ZNF93: variants seen among roughly 807,000 people sequenced by gnomAD.
ZNF93 encodes the protein zinc finger protein 505.
Under a neutral mutation model 45.0 loss-of-function variants are expected in ZNF93, and 29 were observed. The ratio of observed to expected loss-of-function variants is 0.64; its 90% confidence interval spans 0.48 to 0.88. The LOEUF (loss-of-function observed/expected upper bound fraction) is 0.88, where lower values mean the gene tolerates loss of function less well. Among genes scored for constraint, ZNF93 ranks in the 40% least tolerant of loss-of-function variants. The probability of loss-of-function intolerance (pLI) is 0.00; values close to 1 mark genes in which losing one functional copy is unlikely to be tolerated. For missense variants in ZNF93, 578 were observed against 724.0 expected (o/e 0.80, Z 2.31); for synonymous variants, 223 against 244.6 (o/e 0.91, Z 0.82).
At chr19:19,911,519 C>G (rs1057158506) in intron 1 of ZNF93, among the ~76,000 whole-genome samples, 9 of 152,070 alleles carry the variant, frequency 5.9e-5, no homozygotes, top group African/African-American at 1.4e-4. Flanking sequence ...TAAACTAGCT[C>G]CTTCCACTTC....
Position 19,933,521 on chromosome 19 carries a change from T to C in ZNF93, c.566T>C (p.Ile189Thr). 1 of 1,606,876 alleles carries C rather than the reference T, an allele frequency of 6.2e-7. No individual in the cohort carries two copies. Among genetic ancestry groups the C allele is most frequent in the Non-Finnish European group, 8.5e-7 (1 of 1,177,614 alleles). The change falls in exon 4 of 4, where the codon ATA becomes ACA. Residue 189 changes from isoleucine (I) to threonine (T), a missense_variant. Coordinates refer to ENST00000343769, the MANE Select transcript of ZNF93 (RefSeq NM_031218.4). ...GCTTTTAACCAGTTCTCAACCCTTA[T>C]AACACATAAGAAAATTCATACTGGA... ...GKAFNQFSTLITHKKIHTGEK... is the reference protein window; with the variant it reads ...GKAFNQFSTLTTHKKIHTGEK...
intron 3 of ZNF93, among the ~76,000 whole-genome samples, chr19:19,919,228 G>A (rs2063334916): frequency 6.6e-6 from 1 of 152,120 alleles, no homozygotes; most frequent in Admixed American, 6.5e-5. Context: ...CCCATTTCTT[G>A]TTTTTGTCAG....
At chr19:19,906,675 T>C (rs904088698) in intron 1 of ZNF93, among the ~76,000 whole-genome samples, 15 of 152,100 alleles carry the variant, frequency 9.9e-5, no homozygotes, top group African/African-American at 3.6e-4. Flanking sequence ...TTCATTTAAG[T>C]GTTTAATTTG....
chr19:19,934,560 A>C lies in ZNF93; in HGVS notation c.1605A>C (p.Lys535Asn), dbSNP rs776834262. The C allele has an allele frequency of 9.9e-6, 16 of 1,613,514 alleles. No individual in the cohort carries two copies. Among genetic ancestry groups the C allele is most frequent in the Non-Finnish European group, 1.1e-5 (13 of 1,179,978 alleles). Reference sequence around the variant, plus strand: ...ATAAGAAAATTCATACTAGAGAGAAACCCTACAAATGTGAAGAATGTGGCA... The same window carrying C: ...ATAAGAAAATTCATACTAGAGAGAACCCCTACAAATGTGAAGAATGTGGCA... ...IKHKKIHTREKPYKCEECGKA... is the reference protein window; with the variant it reads ...IKHKKIHTRENPYKCEECGKA... The change falls in exon 4 of 4, where the codon AAA becomes AAC. Residue 535 changes from lysine (K) to asparagine (N), a missense_variant. By Grantham distance (94) the Lys-to-Asn change is moderately conservative. Around this residue, in one of 3 missense-constraint regions of ZNF93, gnomAD observed 119 missense variants for 123.1 expected, o/e 0.97. Transcript: ENST00000343769.
rs2063383095 is a variant in ZNF93, at chr19:19,933,858, T to TTTA, written c.903_904insTTA (p.Thr301_Lys302insLeu). On this transcript the variant is annotated inframe_insertion, in exon 4 of 4. Transcript: ENST00000343769. ...CTTTTAACCAATCCTCAACACTTAC[T>TTTA]AAACATAAGAAAATTCATACTGGAG... 6.2e-7 allele frequency: 1 copy of TTTA among 1,612,494 alleles called. No individual in the cohort carries two copies. Among genetic ancestry groups the TTTA allele is most frequent in the Non-Finnish European group, 8.5e-7 (1 of 1,179,690 alleles).
In ZNF93 at chr19:19,901,062, G is replaced by C; in HGVS notation, c.-27G>C. The C allele has an allele frequency of 6.2e-7, 1 of 1,612,932 alleles. No homozygotes were observed. Among genetic ancestry groups the C allele is most frequent in the Non-Finnish European group, 8.5e-7 (1 of 1,179,442 alleles). On this transcript the variant is annotated 5_prime_UTR_variant, in exon 1 of 4. Transcript: ENST00000343769. ...CAGGTATTGGGAGATCCACAGCTAA[G>C]ACACCAGGACCCCTGGAAGCCTAGA...
At chr19:19,901,152 G>T in intron 1 of ZNF93, 61 bp downstream of exon 1, 4 of 1,611,356 alleles carry the variant, frequency 2.5e-6, no homozygotes, top group Non-Finnish European at 3.4e-6. Context: ...CCGGTGGAAA[G>T]TGACGGTGGC....
intron 1 of ZNF93, 141 bp downstream of exon 1, chr19:19,901,232 C>A: frequency 7.2e-7 from 1 of 1,396,592 alleles, no homozygotes; most frequent in Non-Finnish European, 1.0e-6. Flanking sequence ...GGCCTCGGTT[C>A]CCTTCAGCCA....
chr19:19,902,268 T>G (rs1381876150), intron 1 of ZNF93, among the ~76,000 whole-genome samples: 4 of 152,048 alleles, frequency 2.6e-5, no homozygotes, highest in Non-Finnish European at 5.9e-5. Context: ...AGGTTTTTTT[T>G]TTGGACAGAG....
intron 3 of ZNF93, among the ~76,000 whole-genome samples, chr19:19,930,921 T>A (rs993882741): frequency 3.3e-5 from 5 of 152,086 alleles, no homozygotes; most frequent in Admixed American, 1.3e-4. Flanking sequence ...ATAATATCAA[T>A]TTTTGTCTTG....
At chr19:19,932,728 TC>T (rs1402463639) in intron 3 of ZNF93, 1 of 150,990 alleles carries the variant, frequency 6.6e-6, no homozygotes, top group East Asian at 1.9e-4. Flanking sequence ...TTATTTTAAT[TC>T]TGTAGCTTTT....
chr19:19,917,667 C>G (rs1253807056), intron 3 of ZNF93, among the ~76,000 whole-genome samples: 1 of 152,106 alleles, frequency 6.6e-6, no homozygotes, highest in Non-Finnish European at 1.5e-5. Context: ...CAGCTCACCA[C>G]CACCACACCT....
In ZNF93 at chr19:19,933,980, A is replaced by G; in HGVS notation, c.1025A>G (p.Lys342Arg). The G allele has an allele frequency of 2.5e-6, 4 of 1,612,622 alleles. No homozygotes were observed. The East Asian group carries it at 8.9e-5, about 36-fold the overall frequency. Residue 342 changes from lysine (K) to arginine (R), a missense_variant, in exon 4 of 4, where the codon AAG becomes AGG. By Grantham distance (26) the Lys-to-Arg change is conservative. Transcript: ENST00000343769. ...ATTCATACTGGAGAGAAACCATACA[A>G]GTGTAATAAATGTGGCAAAGCCTTT... ...KRIHTGEKPY[K>R]CNKCGKAFIA...
chr19:19,931,159 A>G (rs1169342286), intron 3 of ZNF93, among the ~76,000 whole-genome samples: 2 of 148,968 alleles, frequency 1.3e-5, no homozygotes, highest in Admixed American at 6.7e-5. Flanking sequence ...TTATATATAT[A>G]TTTATATTTG....
At chr19:19,914,849 C>A in intron 1 of ZNF93, 1 of 353,008 alleles carries the variant, frequency 2.8e-6, no homozygotes, top group Non-Finnish European at 5.3e-6. Flanking sequence ...TTCAAAAAAT[C>A]AGACTTCATT....
In ZNF93 at chr19:19,933,941, C is replaced by T. The variant is rs776748126; in HGVS notation, c.986C>T (p.Thr329Ile). Residue 329 changes from threonine to isoleucine, a missense_variant, in exon 4 of 4, where the codon ACT becomes ATT. Physicochemically the swap from Thr to Ile is moderately conservative, Grantham distance 89 (BLOSUM62 -1). Coordinates refer to ENST00000343769, the MANE Select transcript of ZNF93 (RefSeq NM_031218.4). ...GCCTTTAAGTACTCCCGTATCCTTA[C>T]TACACATAAGAGAATTCATACTGGA... Reference protein sequence around the residue: ...GKAFKYSRILTTHKRIHTGEK... With the variant: ...GKAFKYSRILITHKRIHTGEK... The T allele has an allele frequency of 1.3e-6, 2 of 1,596,784 alleles. No individual in the cohort carries two copies. Among genetic ancestry groups the T allele is most frequent in the Non-Finnish European group, 8.5e-7 (1 of 1,173,674 alleles).
At chr19:19,917,936 CCTT>C (rs906089324) in intron 3 of ZNF93, among the ~76,000 whole-genome samples, 6 of 146,280 alleles carry the variant, frequency 4.1e-5, no homozygotes, top group Middle Eastern at 3.4e-3. Flanking sequence ...TTCCTTCCTT[CCTT>C]CTTTCTTTTT....
chr19:19,902,182 C>T (rs994674966), intron 1 of ZNF93, among the ~76,000 whole-genome samples: 2 of 152,080 alleles, frequency 1.3e-5, no homozygotes, highest in Non-Finnish European at 2.9e-5. Flanking sequence ...TTTCAAAAAC[C>T]AAGTGAATAA....
rs1462151071 is a variant in ZNF93 at position 19,935,159 on chromosome 19, C to G, written c.*341C>G. ...AGCCACACTCATCCACATCCTGATA[C>G]AAGGCCCACCATATGCAGACCTGAC... On this transcript the variant is annotated 3_prime_UTR_variant, in exon 4 of 4. Coordinates refer to ENST00000343769, the MANE Select transcript of ZNF93 (RefSeq NM_031218.4). 7.9e-6 allele frequency: 2 copies of G among 253,940 alleles called. No individual in the cohort carries two copies. Among genetic ancestry groups the G allele is most frequent in the Admixed American group, 9.8e-5 (2 of 20,358 alleles). 15.7% of individuals were successfully genotyped at this position (253,940 alleles called of 1,614,324 possible).
Sources: gnomAD v4.1 joint callset for allele counts (sites outside exome capture counted in the v4.1 genomes callset) on GRCh38, gnomAD v4.1.1 for gene constraint, gnomAD v4.1.1 regional missense constraint, MANE v1.5 for transcripts, NCBI Gene and HGNC (gene_info 2026-07-23, HGNC 2026-07-21) for gene names.